The following EXD3 variants were observed in gnomAD, a reference collection of about 807,000 sequenced individuals.
EXD3 encodes the protein exonuclease 3'-5' domain containing 3.
Under a neutral mutation model 98.0 loss-of-function variants are expected in EXD3, and 92 were observed. That is an observed-to-expected ratio of 0.94 (90% CI 0.79 to 1.12). The LOEUF (loss-of-function observed/expected upper bound fraction) is 1.12, where lower values mean the gene tolerates loss of function less well. Ranked by LOEUF, EXD3 falls within the 50% of genes most tolerant of loss-of-function variation. EXD3 has a pLI of 0.00. For synonymous variants in EXD3, 569 were observed against 526.0 expected (o/e 1.08, Z -1.12); for missense variants, 1,222 against 1,191.6 (o/e 1.03, Z -0.38).
intron 17 of EXD3, among the ~76,000 whole-genome samples, chr9:137,332,619 A>T (rs566708991): frequency 3.3e-5 from 5 of 151,182 alleles, no homozygotes; most frequent in Admixed American, 2.6e-4. Context: ...CAAGGCGGGC[A>T]GATCACAAGG....
chr9:137,323,651 C>T lies in EXD3; in HGVS notation c.2184+74G>A, dbSNP rs1003977260. 1.9e-5 allele frequency: 29 copies of T among 1,562,890 alleles called. No individual in the cohort carries two copies. In the East Asian group the frequency reaches 2.9e-4, roughly 16 times the overall value. On this transcript the variant is annotated intron_variant, in intron 19 of 21. Transcript: ENST00000340951. ...AGACCCACCACTGTCTAGGGTGGGG[C>T]CCACCTCCCTGGACACCCCCGTAGC...
chr9:137,405,126 TC>T lies in EXD3; in HGVS notation c.-47-9723del, dbSNP rs1019085484. On this transcript the variant is annotated intron_variant, in intron 1 of 21. Coordinates refer to ENST00000340951, the MANE Select transcript of EXD3 (RefSeq NM_017820.5). This position sits in a 1 kb window ranked among gnomAD's most constrained non-coding sequence, Gnocchi z 4.1. Reference sequence around the variant, plus strand: ...GGTGAGCCAGTGGCCATTCCCAAATTCCCAGGGCCTCTGCCAGCGGGTGTCC... The same window carrying T: ...GGTGAGCCAGTGGCCATTCCCAAATTCCAGGGCCTCTGCCAGCGGGTGTCC... 1.3e-5 allele frequency among the ~76,000 whole-genome samples: 2 copies of T among 152,126 alleles called. No homozygotes were observed. Among genetic ancestry groups the T allele is most frequent in the African/African-American group, 4.8e-5 (2 of 41,416 alleles).
intron 4 of EXD3, 27 bp downstream of exon 4, chr9:137,373,399 T>G: frequency 6.3e-7 from 1 of 1,597,744 alleles, no homozygotes; most frequent in East Asian, 2.2e-5. Context: ...GGAAGGGAGG[T>G]GACTGTCACA....
At chr9:137,378,924 C>G (rs1304207869) in intron 3 of EXD3, among the ~76,000 whole-genome samples, 1 of 138,952 alleles carries the variant, frequency 7.2e-6, no homozygotes, top group Non-Finnish European at 1.5e-5. Flanking sequence ...AATGGGGCAT[C>G]TGTGTGAGGG....
chr9:137,392,094 C>G (rs975506733), intron 2 of EXD3: 4 of 152,344 alleles, frequency 2.6e-5, no homozygotes, highest in African/African-American at 9.7e-5. Context: ...CGGCCTCCCA[C>G]AGTACTGGGA....
rs569086903 is a variant in EXD3, at chr9:137,366,204, C to G, written c.656+289G>C. 34 of 702,528 alleles carry G rather than the reference C, an allele frequency of 4.8e-5. 1 individual carries two copies. In the South Asian group the frequency reaches 5.1e-4, roughly 10 times the overall value. 43.5% of individuals were successfully genotyped at this position (702,528 alleles called of 1,614,324 possible). ...GGAATGGATGAACAAGAAAGCAGTACGGTTGCCATGCCTGCATGAGAAGAG... is the reference window on the plus strand; with the variant it reads ...GGAATGGATGAACAAGAAAGCAGTAGGGTTGCCATGCCTGCATGAGAAGAG... On this transcript the variant is annotated intron_variant, in intron 7 of 21. Coordinates refer to ENST00000340951, the MANE Select transcript of EXD3 (RefSeq NM_017820.5).
At chr9:137,313,568 A>G (rs1238827859) in intron 19 of EXD3, among the ~76,000 whole-genome samples, 1 of 152,174 alleles carries the variant, frequency 6.6e-6, no homozygotes, top group Non-Finnish European at 1.5e-5. Context: ...GCAAAGAGCA[A>G]GCTTGTTGCA....
chr9:137,420,098 G>T (rs1443814211), intron 1 of EXD3, among the ~76,000 whole-genome samples: 5 of 151,884 alleles, frequency 3.3e-5, no homozygotes, highest in South Asian at 2.1e-4. Context: ...AGGCGGAGCT[G>T]GCAGTGAGCC....
At chr9:137,409,680 G>A (rs1284533318) in intron 1 of EXD3, among the ~76,000 whole-genome samples, 1 of 152,164 alleles carries the variant, frequency 6.6e-6, no homozygotes, top group African/African-American at 2.4e-5. Context: ...GAATGGAAAC[G>A]GCTGGCAAGG....
At position 137,353,416 on chromosome 9, in the gene EXD3, G is replaced by A. The variant is rs542874621; in HGVS notation, c.871-630C>T. The A allele has an allele frequency of 1.7e-5, 17 of 985,350 alleles. No homozygotes were observed. In the African/African-American group the frequency reaches 2.3e-4, roughly 13 times the overall value. 61.0% of individuals were successfully genotyped at this position (985,350 alleles called of 1,614,324 possible). The stretch of plus-strand genomic sequence containing the variant: ...ATCTCCACGCTCCTCCTCTTGCCAG[G>A]GGAGCCCCTCTGCCCCTTCCCCTCC... On this transcript the variant is annotated intron_variant, in intron 10 of 21. Transcript: ENST00000340951.
chr9:137,348,904 G>A (rs1305998931), intron 16 of EXD3, among the ~76,000 whole-genome samples: 2 of 152,004 alleles, frequency 1.3e-5, no homozygotes. Flanking sequence ...GCTGCCTCCT[G>A]AGCAGTGACC....
At chr9:137,366,302 C>T (rs1470076259) in intron 7 of EXD3, 191 bp downstream of exon 7, 1 of 789,418 alleles carries the variant, frequency 1.3e-6, no homozygotes, top group Non-Finnish European at 2.2e-6. Flanking sequence ...GGGCTGTGCT[C>T]CTGCCAGCCC....
chr9:137,372,876 C>G, intron 5 of EXD3, 29 bp downstream of exon 5: 1 of 1,595,402 alleles, frequency 6.3e-7, no homozygotes, highest in African/African-American at 1.3e-5. Flanking sequence ...AGCCGTTTCC[C>G]CATGAGCCCG....
chr9:137,354,737 G>T lies in EXD3; in HGVS notation c.794C>A (p.Ala265Glu), dbSNP rs200292682. The T allele has an allele frequency of 6.2e-7, 1 of 1,610,686 alleles. No individual in the cohort carries two copies. The highest frequency in any genetic ancestry group is 8.5e-7 in the Non-Finnish European group (1 of 1,179,650). The change falls in exon 9 of 22, where the codon GCG becomes GAG. Residue 265 changes from alanine to glutamate, a missense_variant. Transcript: ENST00000340951. ...CTTGTGGCACAGGTGCCGCAGGGCCGCCAGGCGCTGCTGAATGGCCGCGTT... is the reference window on the plus strand; with the variant it reads ...CTTGTGGCACAGGTGCCGCAGGGCCTCCAGGCGCTGCTGAATGGCCGCGTT... ...CPNAAIQQRLAALRHLCHKRF... is the reference protein window; with the variant it reads ...CPNAAIQQRLEALRHLCHKRF...
At chr9:137,387,002 TCCCTGCCTGGCCCCCTCAGCACC>T (rs1836631801) in intron 2 of EXD3, among the ~76,000 whole-genome samples, 1 of 131,414 alleles carries the variant, frequency 7.6e-6, no homozygotes, top group Non-Finnish European at 1.6e-5. Flanking sequence ...GCACCCCCGC[TCCCTGCCTGGCCCCCTCAGCACC>T]CCTGCTCCCT....
chr9:137,393,191 C>G lies in EXD3; in HGVS notation c.55+2112G>C. ...TGGGGTGTTGCACTTTGAAAACATC[C>G]CACTCTGCTTAGGTGGAGAAGAGGC... On this transcript the variant is annotated intron_variant, in intron 2 of 21. Coordinates refer to ENST00000340951, the MANE Select transcript of EXD3 (RefSeq NM_017820.5). This position sits in a 1 kb window ranked among gnomAD's most constrained non-coding sequence, Gnocchi z 4.6. 1.4e-6 allele frequency: 1 copy of G among 702,658 alleles called. No homozygotes were observed. Among genetic ancestry groups the G allele is most frequent in the Non-Finnish European group, 2.6e-6 (1 of 384,910 alleles). The allele number at this position is 702,658 out of a possible 1,614,324, so 43.5% of individuals were successfully genotyped here. A position where few individuals can be genotyped will look rare whatever the true frequency, so the allele number is the denominator to read the frequency against.
Position 137,380,532 on chromosome 9 carries a change from C to T in EXD3, c.120+2781G>A, listed in dbSNP as rs1195603099. 2.4e-4 allele frequency among the ~76,000 whole-genome samples: 7 copies of T among 28,630 alleles called. No individual in the cohort carries two copies. In the South Asian group the frequency reaches 0.018, roughly 72 times the overall value. 18.8% of individuals were successfully genotyped at this position (28,630 alleles called of 152,430 possible). ...CCAACCCCCCTCTGGGCGTCCCCCC[C>T]GATAACGCCCACCAGTATCCCCCCT... On this transcript the variant is annotated intron_variant, in intron 3 of 21. Transcript: ENST00000340951.
chr9:137,406,464 G>A (rs967971206), intron 1 of EXD3, among the ~76,000 whole-genome samples: 11 of 152,150 alleles, frequency 7.2e-5, no homozygotes, highest in African/African-American at 2.7e-4. Flanking sequence ...GGCCCTGACA[G>A]GAGGCCGCTC....
chr9:137,368,871 G>C (rs1835422324), intron 5 of EXD3, among the ~76,000 whole-genome samples: 1 of 150,178 alleles, frequency 6.7e-6, no homozygotes. Flanking sequence ...TCAGGGCCGT[G>C]GGGAGGGGCG....
Sources: allele counts gnomAD v4.1 joint callset (sites outside exome capture counted in the v4.1 genomes callset), GRCh38; gene constraint gnomAD v4.1.1; non-coding constraint Gnocchi (gnomAD v3.1); transcripts MANE v1.5; gene names NCBI Gene and HGNC (gene_info 2026-07-23, HGNC 2026-07-21).